HCN1: variants seen among roughly 807,000 people sequenced by gnomAD.
HCN1 encodes the protein hyperpolarization activated cyclic nucleotide gated potassium channel 1, also known as potassium/sodium hyperpolarization-activated cyclic nucleotide-gated channel 1.
A neutral mutation model predicts 78.9 loss-of-function variants in HCN1; 13 were observed. The ratio of observed to expected loss-of-function variants is 0.16; its 90% CI spans 0.11 to 0.26. The LOEUF is 0.26. Ranked by LOEUF, HCN1 falls within the 10% of genes least tolerant of loss-of-function variation. HCN1 has a pLI of 1.00. For missense variants in HCN1, 810 were observed against 1,154.3 expected (o/e 0.70, Z 4.32); for synonymous variants, 552 against 455.5 (o/e 1.21, Z -2.70).
At chr5:45,505,040 T>C (rs1353483875) in intron 2 of HCN1, among the ~76,000 whole-genome samples, 2 of 152,114 alleles carry the variant, frequency 1.3e-5, no homozygotes, top group Non-Finnish European at 2.9e-5. Context: ...TTTTCTCCCA[T>C]TCTGTAGGTT....
intron 2 of HCN1, among the ~76,000 whole-genome samples, chr5:45,521,676 T>A (rs967874200): frequency 3.9e-5 from 6 of 151,956 alleles, no homozygotes; most frequent in Admixed American, 3.3e-4. Context: ...TAGGGTCGCA[T>A]GCTGAAGTAC....
intron 4 of HCN1, among the ~76,000 whole-genome samples, chr5:45,383,958 CA>C (rs1387711225): frequency 6.6e-6 from 1 of 152,028 alleles, no homozygotes; most frequent in Admixed American, 6.6e-5. Flanking sequence ...ATCTGAGAAA[CA>C]GGTAAGAAGT....
chr5:45,371,735 T>A (rs1313683631), intron 4 of HCN1, among the ~76,000 whole-genome samples: 2 of 146,056 alleles, frequency 1.4e-5, no homozygotes, highest in African/African-American at 5.1e-5. Flanking sequence ...CCAGCCTGGG[T>A]GACAGTGAGA....
At chr5:45,376,357 G>T (rs968650409) in intron 4 of HCN1, among the ~76,000 whole-genome samples, 135 of 12,510 alleles carry the variant, frequency 0.011, no homozygotes, top group South Asian at 0.099. Context: ...TATAGAGAGA[G>T]AGAGAGAGAG....
At chr5:45,380,170 C>A (rs745691313) in intron 4 of HCN1, among the ~76,000 whole-genome samples, 11 of 151,986 alleles carry the variant, frequency 7.2e-5, no homozygotes, top group Non-Finnish European at 1.5e-4. Flanking sequence ...AGATTCAGTG[C>A]CTGGAGAGGT....
intron 3 of HCN1, among the ~76,000 whole-genome samples, chr5:45,436,147 T>C (rs1446204255): frequency 1.3e-5 from 2 of 152,208 alleles, no homozygotes; most frequent in African/African-American, 2.4e-5. Context: ...CTGTATGGCT[T>C]CTGTGAATGT....
intron 4 of HCN1, among the ~76,000 whole-genome samples, chr5:45,372,725 ACGTATT>A (rs1747438423): frequency 7.0e-6 from 1 of 143,510 alleles, no homozygotes; most frequent in African/African-American, 2.5e-5. Context: ...AAAAATATAT[ACGTATT>A]TATATAAAAA....
intron 5 of HCN1, among the ~76,000 whole-genome samples, chr5:45,327,048 A>G (rs765916088): frequency 1.3e-4 from 19 of 151,842 alleles, no homozygotes; most frequent in Non-Finnish European, 1.8e-4. Flanking sequence ...AGTGTTCATT[A>G]GAGAATTTGT....
chr5:45,431,238 G>A (rs1013063158), intron 3 of HCN1, among the ~76,000 whole-genome samples: 3 of 152,144 alleles, frequency 2.0e-5, no homozygotes, highest in African/African-American at 4.8e-5. Context: ...CTGCATGTAT[G>A]TCTTCTTTTG....
chr5:45,282,659 C>T (rs917950577), intron 6 of HCN1, among the ~76,000 whole-genome samples: 2 of 152,164 alleles, frequency 1.3e-5, no homozygotes, highest in African/African-American at 4.8e-5. Flanking sequence ...TAATTACAAT[C>T]TCAAATGCTC....
At chr5:45,517,589 T>C (rs1318431676) in intron 2 of HCN1, among the ~76,000 whole-genome samples, 1 of 148,488 alleles carries the variant, frequency 6.7e-6, no homozygotes, top group Admixed American at 6.7e-5. Flanking sequence ...AAAAAAGCTG[T>C]ATTTCCCACC....
chr5:45,406,364 A>G (rs1321817720), intron 3 of HCN1, among the ~76,000 whole-genome samples: 1 of 152,242 alleles, frequency 6.6e-6, no homozygotes, highest in Non-Finnish European at 1.5e-5. Flanking sequence ...CCAGCATAGA[A>G]GAAATCAGCA....
At chr5:45,596,702 A>G (rs1307822328) in intron 2 of HCN1, among the ~76,000 whole-genome samples, 1 of 152,218 alleles carries the variant, frequency 6.6e-6, no homozygotes, top group Non-Finnish European at 1.5e-5. Flanking sequence ...TCCATGAATC[A>G]TGAAATTATG....
intron 4 of HCN1, among the ~76,000 whole-genome samples, chr5:45,381,708 TC>T (rs1411651274): frequency 1.3e-5 from 2 of 151,916 alleles, no homozygotes; most frequent in African/African-American, 4.8e-5. Context: ...TCCCAGACCT[TC>T]CCACTCCTTG....
chr5:45,550,528 G>A (rs1743344659), intron 2 of HCN1, among the ~76,000 whole-genome samples: 1 of 152,114 alleles, frequency 6.6e-6, no homozygotes, highest in African/African-American at 2.4e-5. Context: ...GATAGCATTA[G>A]GAGATATACC....
chr5:45,551,231 T>G (rs190283748), intron 2 of HCN1, among the ~76,000 whole-genome samples: 173 of 152,000 alleles, frequency 1.1e-3, no homozygotes, highest in African/African-American at 4.1e-3. Flanking sequence ...GGTATTACAA[T>G]GAAGAATTGG....
chr5:45,279,734 C>A (rs1181824610), intron 6 of HCN1, among the ~76,000 whole-genome samples: 2 of 151,988 alleles, frequency 1.3e-5, no homozygotes, highest in Non-Finnish European at 2.9e-5. Flanking sequence ...AGAAAAATTG[C>A]AGACATATTA....
intron 2 of HCN1, among the ~76,000 whole-genome samples, chr5:45,533,319 T>C (rs1742898114): frequency 6.6e-6 from 1 of 152,164 alleles, no homozygotes; most frequent in South Asian, 2.1e-4. Flanking sequence ...AGCAAAATCA[T>C]CTAACTAAAA....
chr5:45,587,964 G>A (rs933832856), intron 2 of HCN1, among the ~76,000 whole-genome samples: 1 of 152,094 alleles, frequency 6.6e-6, no homozygotes, highest in Non-Finnish European at 1.5e-5. Flanking sequence ...GCAGATAAAA[G>A]ATGGCAGTCT....
Sources: gnomAD v4.1 joint callset for allele counts (sites outside exome capture counted in the v4.1 genomes callset) on GRCh38, gnomAD v4.1.1 for gene constraint, MANE v1.5 for transcripts, NCBI Gene and HGNC (gene_info 2026-07-23, HGNC 2026-07-21) for gene names.